ENTREP2: variants seen among roughly 807,000 people sequenced by gnomAD.
The protein encoded by ENTREP2 is protein ENTREP2.
chr15:29,471,076 C>T, the ENTREP2 span, among the ~76,000 whole-genome samples: 2 of 152,192 alleles, frequency 1.3e-5, no homozygotes, highest in South Asian at 4.1e-4. Flanking sequence ...CAGCCCAATG[C>T]ACTGGTTTTT....
At chr15:29,392,547 T>C in the ENTREP2 span, among the ~76,000 whole-genome samples, 1 of 152,172 alleles carries the variant, frequency 6.6e-6, no homozygotes, top group Admixed American at 6.5e-5. Context: ...CTGACTGCCA[T>C]TGTTGCAGCC....
At chr15:29,146,353 G>A in the ENTREP2 span, among the ~76,000 whole-genome samples, 2 of 152,140 alleles carry the variant, frequency 1.3e-5, no homozygotes, top group Non-Finnish European at 2.9e-5. Flanking sequence ...CCAAAACAAT[G>A]TTCAAAAACT....
chr15:29,235,615 A>G, the ENTREP2 span, among the ~76,000 whole-genome samples: 1 of 152,250 alleles, frequency 6.6e-6, no homozygotes. Context: ...AGATGCTTAC[A>G]TAAGAAACAA....
chr15:29,327,123 C>T, the ENTREP2 span, among the ~76,000 whole-genome samples: 5 of 152,122 alleles, frequency 3.3e-5, no homozygotes, highest in East Asian at 9.6e-4. Flanking sequence ...TTTAAGAAAA[C>T]ACAGAATATC....
At chr15:29,473,092 T>C in the ENTREP2 span, among the ~76,000 whole-genome samples, 3 of 152,152 alleles carry the variant, frequency 2.0e-5, no homozygotes, top group Non-Finnish European at 4.4e-5. Context: ...GCACTCACTG[T>C]ACAGCTGGTT....
chr15:29,625,624 A>C, the ENTREP2 span, among the ~76,000 whole-genome samples: 4 of 151,344 alleles, frequency 2.6e-5, no homozygotes, highest in Non-Finnish European at 5.9e-5. Flanking sequence ...TTGAACTCTG[A>C]CCTCAAGTGA....
chr15:29,638,107 T>C, the ENTREP2 span, among the ~76,000 whole-genome samples: 1 of 152,218 alleles, frequency 6.6e-6, no homozygotes, highest in East Asian at 1.9e-4. Flanking sequence ...GGCTCAGTCC[T>C]TTCTGCAAGG....
At chr15:29,533,379 C>T in the ENTREP2 span, among the ~76,000 whole-genome samples, 5 of 152,198 alleles carry the variant, frequency 3.3e-5, no homozygotes, top group Non-Finnish European at 7.3e-5. Flanking sequence ...AAAGCAGATG[C>T]TGCACTTGCA....
the ENTREP2 span, among the ~76,000 whole-genome samples, chr15:29,207,304 C>T: frequency 8.6e-3 from 1,302 of 152,236 alleles, 18 homozygotes; most frequent in African/African-American, 0.03. Flanking sequence ...TCACCGACTT[C>T]AAGAATGAGG....
chr15:29,147,620 CTAAG>C, the ENTREP2 span, among the ~76,000 whole-genome samples: 1 of 152,056 alleles, frequency 6.6e-6, no homozygotes, highest in African/African-American at 2.4e-5. Flanking sequence ...TTCACCACCA[CTAAG>C]ATGGTTACAA....
At chr15:29,240,134 G>T in the ENTREP2 span, among the ~76,000 whole-genome samples, 1 of 152,094 alleles carries the variant, frequency 6.6e-6, no homozygotes, top group African/African-American at 2.4e-5. Flanking sequence ...AGGCCGAGGC[G>T]GGCGGATCAC....
At chr15:29,241,235 C>T in the ENTREP2 span, among the ~76,000 whole-genome samples, 1 of 152,156 alleles carries the variant, frequency 6.6e-6, no homozygotes, top group South Asian at 2.1e-4. Flanking sequence ...AACCGCTTCT[C>T]AGCAGGGGTA....
the ENTREP2 span, chr15:29,137,273 C>G: frequency 1.6e-6 from 2 of 1,269,488 alleles, no homozygotes; most frequent in Non-Finnish European, 2.1e-6. Context: ...TATACGAGAG[C>G]TTTAATGATC....
At chr15:29,271,013 TTAG>T in the ENTREP2 span, among the ~76,000 whole-genome samples, 1 of 152,228 alleles carries the variant, frequency 6.6e-6, no homozygotes, top group Non-Finnish European at 1.5e-5. Context: ...TTGTTAATTG[TTAG>T]TAGCATAACA....
At chr15:29,518,935 T>C in the ENTREP2 span, among the ~76,000 whole-genome samples, 4 of 151,970 alleles carry the variant, frequency 2.6e-5, no homozygotes, top group African/African-American at 9.7e-5. Context: ...CAAAGAAAGG[T>C]GTGCACTACT....
At chr15:29,489,161 T>G in the ENTREP2 span, among the ~76,000 whole-genome samples, 1 of 151,854 alleles carries the variant, frequency 6.6e-6, no homozygotes, top group South Asian at 2.1e-4. Flanking sequence ...AAAAACTGGC[T>G]TCTGACAAAC....
the ENTREP2 span, among the ~76,000 whole-genome samples, chr15:29,194,787 A>C: frequency 1.3e-5 from 2 of 152,068 alleles, no homozygotes; most frequent in East Asian, 3.9e-4. Flanking sequence ...AGTCATGAAA[A>C]CCGGGTCCTG....
chr15:29,160,585 T>C, the ENTREP2 span, among the ~76,000 whole-genome samples: 1 of 151,906 alleles, frequency 6.6e-6, no homozygotes, highest in East Asian at 1.9e-4. Context: ...GGCAGGCACC[T>C]GTAATCCCAG....
chr15:29,249,500 A>T, the ENTREP2 span, among the ~76,000 whole-genome samples: 1 of 152,124 alleles, frequency 6.6e-6, no homozygotes, highest in East Asian at 1.9e-4. Context: ...GGGTGGTAGG[A>T]CTGTGAAGTG....
Sources: gnomAD v4.1 joint callset for allele counts (sites outside exome capture counted in the v4.1 genomes callset) on GRCh38, gnomAD v4.1.1 for gene constraint, MANE v1.5 for transcripts, NCBI Gene and HGNC (gene_info 2026-07-23, HGNC 2026-07-21) for gene names.